The following SLC36A1 variants were observed in gnomAD, a reference collection of about 807,000 sequenced individuals.
SLC36A1 encodes solute carrier family 36 member 1.
Under a neutral mutation model 47.5 loss-of-function variants are expected in SLC36A1, and 30 were observed. The ratio of observed to expected loss-of-function variants is 0.63; its 90% confidence interval spans 0.47 to 0.86. The LOEUF (loss-of-function observed/expected upper bound fraction) is 0.86. SLC36A1 is among the 40% of genes least tolerant of loss of function. The pLI, the probability that SLC36A1 is intolerant of heterozygous loss-of-function variation, is 0.00. For missense variants in SLC36A1, 517 were observed against 606.0 expected, an observed-to-expected ratio of 0.85 and a Z score of 1.54; for synonymous variants, 255 against 249.7, an observed-to-expected ratio of 1.02 and a Z score of -0.20.
chr5:151,550,661 T>C, the SLC36A1 span: 3 of 1,614,212 alleles, frequency 1.9e-6, no homozygotes, highest in Non-Finnish European at 2.5e-6. Flanking sequence ...AGGACACCAC[T>C]GCTTGGGTCC....
intron 8 of SLC36A1, among the ~76,000 whole-genome samples, chr5:151,476,200 G>A (rs1758028370): frequency 6.6e-6 from 1 of 152,274 alleles, no homozygotes; most frequent in Non-Finnish European, 1.5e-5. Flanking sequence ...CAGGTTAGCA[G>A]GAAGCTGTGA....
chr5:151,395,177 G>T, the SLC36A1 span, among the ~76,000 whole-genome samples: 9 of 152,214 alleles, frequency 5.9e-5, no homozygotes, highest in East Asian at 7.7e-4. Context: ...CAATGAGTGA[G>T]GCTCTGTGGG....
At chr5:151,526,047 G>T in the SLC36A1 span, 2 of 1,338,112 alleles carry the variant, frequency 1.5e-6, no homozygotes, top group South Asian at 1.3e-5. Flanking sequence ...TATGTCATCT[G>T]GAATGAGTCC....
chr5:151,495,103 A>G (rs1276355567), downstream of SLC36A1, among the ~76,000 whole-genome samples: 1 of 152,194 alleles, frequency 6.6e-6, no homozygotes, highest in African/African-American at 2.4e-5. Flanking sequence ...TTGGATTCCT[A>G]ATGTATAACA....
the SLC36A1 span, among the ~76,000 whole-genome samples, chr5:151,356,339 C>CAAAAAA: frequency 2.3e-3 from 120 of 51,292 alleles, 9 homozygotes; most frequent in African/African-American, 3.9e-3. Context: ...CTCTGTCTCA[C>CAAAAAA]AAAAAAAAAA....
chr5:151,465,302 A>G, intron 5 of SLC36A1, 133 bp downstream of exon 5: 2 of 730,916 alleles, frequency 2.7e-6, no homozygotes, highest in Non-Finnish European at 4.8e-6. Context: ...GCTGTGGCTC[A>G]GCTCTGCTGG....
chr5:151,522,870 C>G, the SLC36A1 span, among the ~76,000 whole-genome samples: 2 of 152,120 alleles, frequency 1.3e-5, no homozygotes, highest in Non-Finnish European at 2.9e-5. Flanking sequence ...TGGGCTGGCA[C>G]GCGCAGGGTT....
At chr5:151,414,485 T>C in the SLC36A1 span, among the ~76,000 whole-genome samples, 17 of 152,286 alleles carry the variant, frequency 1.1e-4, no homozygotes, top group African/African-American at 3.9e-4. Context: ...TCTTGTCCAA[T>C]AAGGAGATAT....
At chr5:151,418,833 T>C in the SLC36A1 span, among the ~76,000 whole-genome samples, 2 of 152,134 alleles carry the variant, frequency 1.3e-5, no homozygotes, top group South Asian at 2.1e-4. Context: ...CAGGGTGGAA[T>C]GATATGGTTA....
chr5:151,424,477 C>T, the SLC36A1 span, among the ~76,000 whole-genome samples: 1 of 152,148 alleles, frequency 6.6e-6, no homozygotes, highest in African/African-American at 2.4e-5. Flanking sequence ...GTTATCACTC[C>T]ACATGACAGT....
At chr5:151,367,374 T>TTTTTCCC in the SLC36A1 span, among the ~76,000 whole-genome samples, 1,255 of 145,522 alleles carry the variant, frequency 8.6e-3, 30 homozygotes, top group African/African-American at 0.029. Flanking sequence ...TTTTTTTTTT[T>TTTTTCCC]CCCCAGGGTA....
chr5:151,469,182 C>T, intron 7 of SLC36A1: 3 of 680,532 alleles, frequency 4.4e-6, no homozygotes, highest in Non-Finnish European at 8.0e-6. Flanking sequence ...TCTTGAATAC[C>T]ATGTCCCCAC....
chr5:151,439,652 CAAAAAAAAAAGAAAAGAA>C (rs1388450763), intron 1 of SLC36A1, among the ~76,000 whole-genome samples: 5 of 103,500 alleles, frequency 4.8e-5, no homozygotes, highest in South Asian at 3.0e-4. Flanking sequence ...GACTCCATCT[CAAAAAAAAAAGAAAAGAA>C]AAAAAAAAAA....
the SLC36A1 span, among the ~76,000 whole-genome samples, chr5:151,531,274 G>A: frequency 6.6e-6 from 1 of 152,232 alleles, no homozygotes; most frequent in Admixed American, 6.5e-5. This position sits in a 1 kb window ranked among gnomAD's most constrained non-coding sequence, Gnocchi z 5.7. Flanking sequence ...TCTGCCTCCT[G>A]CGCTGGGCCT....
the SLC36A1 span, among the ~76,000 whole-genome samples, chr5:151,353,863 A>T: frequency 6.6e-6 from 1 of 152,148 alleles, no homozygotes; most frequent in Non-Finnish European, 1.5e-5. Flanking sequence ...TATGCATTTA[A>T]GTTTTCTCCA....
the SLC36A1 span, among the ~76,000 whole-genome samples, chr5:151,538,824 G>A: frequency 5.3e-3 from 798 of 151,618 alleles, 7 homozygotes; most frequent in Middle Eastern, 0.024. Flanking sequence ...GTACAGGTGC[G>A]TGCCACCACA....
chr5:151,479,650 A>G (rs967171719), intron 10 of SLC36A1, 161 bp downstream of exon 10: 12 of 679,710 alleles, frequency 1.8e-5, no homozygotes, highest in African/African-American at 1.4e-4. Flanking sequence ...GCACCTCCAG[A>G]TGGGGAAGTG....
the SLC36A1 span, among the ~76,000 whole-genome samples, chr5:151,379,875 T>C: frequency 6.6e-6 from 1 of 152,306 alleles, no homozygotes; most frequent in African/African-American, 2.4e-5. Flanking sequence ...CTAGCAACTA[T>C]ATTAATGCAG....
upstream of SLC36A1, among the ~76,000 whole-genome samples, chr5:151,433,851 A>G (rs78219536): frequency 0.14 from 21,440 of 150,888 alleles, 2,035 homozygotes; most frequent in East Asian, 0.36. Context: ...AAATAAATCA[A>G]TATCCCACCC....
Sources: gnomAD v4.1 joint callset for allele counts (sites outside exome capture counted in the v4.1 genomes callset) on GRCh38, gnomAD v4.1.1 for gene constraint, Gnocchi (gnomAD v3.1) non-coding constraint, MANE v1.5 for transcripts, NCBI Gene and HGNC (gene_info 2026-07-23, HGNC 2026-07-21) for gene names.